The following TK2 variants were observed in gnomAD, a reference collection of about 807,000 sequenced individuals.
TK2 encodes the protein thymidine kinase 2, mitochondrial.
In TK2, 35 loss-of-function variants were observed where a neutral mutation model predicts 41.9. The ratio of observed to expected loss-of-function variants is 0.84; its 90% confidence interval spans 0.64 to 1.11. TK2 has a LOEUF of 1.11. TK2 is among the 50% of genes least tolerant of loss of function. The pLI is 0.00. For missense variants in TK2, 320 were observed against 351.1 expected (o/e 0.91, Z 0.71); for synonymous variants, 128 against 129.1 (o/e 0.99, Z 0.06).
At chr16:66,521,395 TC>T (rs1285427066) in intron 6 of TK2, among the ~76,000 whole-genome samples, 1 of 152,142 alleles carries the variant, frequency 6.6e-6, no homozygotes, top group Non-Finnish European at 1.5e-5. Context: ...ACAAAAGGCT[TC>T]CCCCACAGGG....
At chr16:66,533,896 T>C (rs1965196625) in intron 4 of TK2, among the ~76,000 whole-genome samples, 1 of 149,852 alleles carries the variant, frequency 6.7e-6, no homozygotes, top group Admixed American at 6.7e-5. Flanking sequence ...TAGTCCCAGC[T>C]ACTCGGGAGG....
At position 66,548,970 on chromosome 16, in the gene TK2, G is replaced by T; in HGVS notation, c.156+8C>A. 1 of 1,611,344 alleles carries T rather than the reference G, an allele frequency of 6.2e-7. No individual in the cohort carries two copies. The highest frequency in any genetic ancestry group is 8.5e-7 in the Non-Finnish European group (1 of 1,177,762). On this transcript the variant is annotated splice_region_variant and intron_variant, in intron 2 of 9. Transcript: ENST00000544898. ...ATCCTAGAGAGTACACATAAAAGAGGGACTTACCACTGATTTTTTCTCTTT... is the reference window on the plus strand; with the variant it reads ...ATCCTAGAGAGTACACATAAAAGAGTGACTTACCACTGATTTTTTCTCTTT...
chr16:66,517,240 C>T lies in TK2; in HGVS notation c.539-25G>A. 3.7e-6 allele frequency: 6 copies of T among 1,602,636 alleles called. No homozygotes were observed. Among genetic ancestry groups the T allele is most frequent in the Non-Finnish European group, 5.1e-6 (6 of 1,169,584 alleles). On this transcript the variant is annotated intron_variant, in intron 7 of 9. Coordinates refer to ENST00000544898, the MANE Select transcript of TK2 (RefSeq NM_004614.5). This position sits in a 1 kb window ranked among gnomAD's most constrained non-coding sequence, Gnocchi z 4.3. ...ACTGAGGTTAAAAGAATACGTGGCTCTCAGGACTCTGCTCATGGCTTGGAA... is the reference window on the plus strand; with the variant it reads ...ACTGAGGTTAAAAGAATACGTGGCTTTCAGGACTCTGCTCATGGCTTGGAA...
At chr16:66,520,254 G>A (rs1427028591) in intron 6 of TK2, among the ~76,000 whole-genome samples, 4 of 152,114 alleles carry the variant, frequency 2.6e-5, no homozygotes, top group Non-Finnish European at 5.9e-5. Context: ...ACAAGTTCAG[G>A]TGACAACTTT....
rs181749770 is a variant in TK2 at position 66,528,107 on chromosome 16, G to A, written c.449+887C>T. On this transcript the variant is annotated intron_variant, in intron 6 of 9. Coordinates refer to ENST00000544898, the MANE Select transcript of TK2 (RefSeq NM_004614.5). ...GCCCTATCTAGACAGCGTGGTCGGG[G>A]AGGGCTGGGAGACAGGGTGGCATTT... is the stretch of plus-strand genomic sequence containing the variant. Among the ~76,000 whole-genome samples the A allele has an allele frequency of 2.3e-3, 348 of 152,284 alleles. 2 individuals are homozygous for A. Among genetic ancestry groups the A allele is most frequent in the Admixed American group, 4.4e-3 (68 of 15,304 alleles).
intron 9 of TK2, among the ~76,000 whole-genome samples, chr16:66,513,452 C>T (rs1878385308): frequency 6.6e-6 from 1 of 152,120 alleles, no homozygotes; most frequent in Admixed American, 6.5e-5. Flanking sequence ...AAACTGAGAC[C>T]CGGGTCTAGA....
In TK2 at chr16:66,550,089, G is replaced by A. The variant is rs751302457; in HGVS notation, c.-28C>T. On this transcript the variant is annotated 5_prime_UTR_variant, in exon 1 of 10. Transcript: ENST00000544898. ...CCGGGCGAGCGGATCCAGAGGCCCG[G>A]GGTTCCTTCTTGTGCGAGTCGGCGC... 9 of 1,604,482 alleles carry A rather than the reference G, an allele frequency of 5.6e-6. No individual in the cohort carries two copies. The African/African-American group carries it at 6.7e-5, about 12-fold the overall frequency.
intron 6 of TK2, among the ~76,000 whole-genome samples, chr16:66,525,794 G>A (rs775476683): frequency 1.4e-4 from 21 of 152,144 alleles, no homozygotes; most frequent in Non-Finnish European, 2.6e-4. Context: ...AGAACAGAAA[G>A]GACACTGTAA....
chr16:66,541,340 T>C (rs1382675637), intron 3 of TK2, among the ~76,000 whole-genome samples: 2 of 152,258 alleles, frequency 1.3e-5, no homozygotes, highest in Non-Finnish European at 1.5e-5. Flanking sequence ...AAATAGCTCA[T>C]TGATGATTTT....
In TK2 at chr16:66,550,085, C is replaced by G. The variant is rs776726325; in HGVS notation, c.-24G>C. 1.9e-6 allele frequency: 3 copies of G among 1,601,558 alleles called. No homozygotes were observed. The highest frequency in any genetic ancestry group is 2.6e-6 in the Non-Finnish European group (3 of 1,175,432). On this transcript the variant is annotated 5_prime_UTR_variant, in exon 1 of 10. Coordinates refer to ENST00000544898, the MANE Select transcript of TK2 (RefSeq NM_004614.5). Reference sequence around the variant, plus strand: ...ATAGCCGGGCGAGCGGATCCAGAGGCCCGGGGTTCCTTCTTGTGCGAGTCG... The same window carrying G: ...ATAGCCGGGCGAGCGGATCCAGAGGGCCGGGGTTCCTTCTTGTGCGAGTCG...
intron 1 of TK2, 44 bp downstream of exon 1, chr16:66,549,894 G>A: frequency 3.0e-6 from 4 of 1,319,144 alleles, no homozygotes; most frequent in Non-Finnish European, 2.9e-6. Context: ...GGAGTAGGTG[G>A]GCGCATAGGG....
chr16:66,540,727 AG>A (rs887019922), intron 3 of TK2, among the ~76,000 whole-genome samples: 2 of 152,248 alleles, frequency 1.3e-5, no homozygotes, highest in African/African-American at 4.8e-5. Context: ...GCCTATGCAT[AG>A]TAATACCCAC....
chr16:66,519,001 G>A (rs896685435), intron 6 of TK2, among the ~76,000 whole-genome samples: 5 of 150,562 alleles, frequency 3.3e-5, no homozygotes, highest in South Asian at 4.2e-4. Flanking sequence ...TCGCTCTGTC[G>A]CCCAGGCTGG....
In TK2 at chr16:66,531,470, C is replaced by A. The variant is rs1193440440; in HGVS notation, c.286-1G>T. 3.1e-6 allele frequency: 5 copies of A among 1,614,130 alleles called. No homozygotes were observed. On this transcript the variant is annotated splice_acceptor_variant, in intron 4 of 9. Coordinates refer to ENST00000544898, the MANE Select transcript of TK2 (RefSeq NM_004614.5). LOFTEE classifies it high-confidence loss of function. Reference sequence around the variant, plus strand: ...GAGAGGCATCGTGGTACATCAGGCCCTGCAGAAGGGAAAACACAGCACTTT... The same window carrying A: ...GAGAGGCATCGTGGTACATCAGGCCATGCAGAAGGGAAAACACAGCACTTT...
At chr16:66,533,088 TAA>T (rs397768080) in intron 4 of TK2, among the ~76,000 whole-genome samples, 1 of 150,810 alleles carries the variant, frequency 6.6e-6, no homozygotes, top group Admixed American at 6.6e-5. Flanking sequence ...TTTTTTTTTT[TAA>T]ACAGAGTCTT....
rs939766400 is a variant in TK2 at position 66,511,506 on chromosome 16, T to A, written c.*462A>T. On this transcript the variant is annotated 3_prime_UTR_variant, in exon 10 of 10. Transcript: ENST00000544898. ...CTGAGTCGGCTGAAAGTCTGAATGGTGCCAGCTCCACTGCACACAGGCTGT... is the reference window on the plus strand; with the variant it reads ...CTGAGTCGGCTGAAAGTCTGAATGGAGCCAGCTCCACTGCACACAGGCTGT... The A allele has an allele frequency of 7.5e-6, 2 of 265,010 alleles. No individual in the cohort carries two copies. Among genetic ancestry groups the A allele is most frequent in the African/African-American group, 2.2e-5 (1 of 44,598 alleles). The allele number at this position is 265,010 out of a possible 1,614,324, so 16.4% of individuals were successfully genotyped here.
intron 8 of TK2, 121 bp from the exon 9 acceptor site, chr16:66,513,932 C>G: frequency 1.1e-6 from 1 of 872,818 alleles, no homozygotes; most frequent in Non-Finnish European, 1.9e-6. Context: ...GACAAAGGAA[C>G]CCTGCAAGAG....
At position 66,541,937 on chromosome 16, in the gene TK2, T is replaced by C. The variant is rs138439950; in HGVS notation, c.173A>G (p.Asn58Ser). Residue 58 changes from asparagine to serine, a missense_variant, in exon 3 of 10, where the codon AAT (asparagine) becomes AGT (serine). Transcript: ENST00000544898. ...GCATGTCGTCTTCCCACTTGCAATA[T>C]TGCCCTCGACACAGATCTGGCAAAA... is the stretch of plus-strand genomic sequence containing the variant. Reference protein sequence around the residue: ...EKKSVICVEGNIASGKTTCLE... With the variant: ...EKKSVICVEGSIASGKTTCLE... 34 of 1,614,018 alleles carry C rather than the reference T, an allele frequency of 2.1e-5. No individual in the cohort carries two copies. Among genetic ancestry groups the C allele is most frequent in the Admixed American group, 1.3e-4 (8 of 60,004 alleles).
At position 66,517,089 on chromosome 16, in the gene TK2, A is replaced by G; in HGVS notation, c.618+47T>C. The G allele has an allele frequency of 6.4e-7, 1 of 1,555,364 alleles. No individual in the cohort carries two copies. Among genetic ancestry groups the G allele is most frequent in the Non-Finnish European group, 8.9e-7 (1 of 1,126,532 alleles). The stretch of plus-strand genomic sequence containing the variant: ...CGGGAGAGGAAGCCGGGTTGGACAG[A>G]GGTGGTTTCCCAGTTTGTCTTTAAC... On this transcript the variant is annotated intron_variant, in intron 8 of 9. Transcript: ENST00000544898. The surrounding 1 kb of genome is among the most constrained non-coding windows in gnomAD (Gnocchi z 4.3).
Sources: gnomAD v4.1 joint callset for allele counts (sites outside exome capture counted in the v4.1 genomes callset) on GRCh38, gnomAD v4.1.1 for gene constraint, Gnocchi (gnomAD v3.1) non-coding constraint, MANE v1.5 for transcripts, NCBI Gene and HGNC (gene_info 2026-07-23, HGNC 2026-07-21) for gene names.